ARL15: variants seen among roughly 807,000 people sequenced by gnomAD.
ARL15 encodes ARF like GTPase 15.
In ARL15, 19 loss-of-function variants were observed where a neutral mutation model predicts 25.2. The observed-to-expected ratio is 0.75, with a 90% CI of 0.53 to 1.10. The LOEUF (loss-of-function observed/expected upper bound fraction) is 1.10, where lower values mean the gene tolerates loss of function less well. Ranked by LOEUF, ARL15 falls within the 50% of genes least tolerant of loss-of-function variation. ARL15 has a pLI of 0.00. For missense variants in ARL15, 220 were observed against 246.0 expected, an observed-to-expected ratio of 0.89 and a Z score of 0.71; for synonymous variants, 94 against 86.8, an observed-to-expected ratio of 1.08 and a Z score of -0.46.
chr5:54,199,193 C>G (rs1172030137), intron 1 of ARL15, among the ~76,000 whole-genome samples: 1 of 152,066 alleles, frequency 6.6e-6, no homozygotes, highest in Non-Finnish European at 1.5e-5. Context: ...CCATAAAAAC[C>G]CTAGAAGAAA....
At chr5:53,892,188 A>G (rs72763115) in intron 4 of ARL15, among the ~76,000 whole-genome samples, 13,527 of 152,328 alleles carry the variant, frequency 0.089, 723 homozygotes, top group Non-Finnish European at 0.13. Context: ...CAATTTGAAT[A>G]AAAAGTATCT....
At chr5:53,910,557 G>A (rs1221207543) in intron 4 of ARL15, among the ~76,000 whole-genome samples, 4 of 147,192 alleles carry the variant, frequency 2.7e-5, no homozygotes, top group Non-Finnish European at 4.5e-5. Flanking sequence ...ACACCAAAAT[G>A]GCACATGTGT....
intron 4 of ARL15, among the ~76,000 whole-genome samples, chr5:54,097,977 G>A (rs1435132882): frequency 6.6e-6 from 1 of 152,168 alleles, no homozygotes; most frequent in Non-Finnish European, 1.5e-5. Flanking sequence ...CATCTCATTA[G>A]GGGTCGAACA....
At chr5:54,064,212 A>G (rs1453708298) in intron 4 of ARL15, among the ~76,000 whole-genome samples, 1 of 152,064 alleles carries the variant, frequency 6.6e-6, no homozygotes, top group Non-Finnish European at 1.5e-5. Flanking sequence ...CAAGTAAAAA[A>G]AGAGTCACGA....
intron 1 of ARL15, among the ~76,000 whole-genome samples, chr5:54,239,561 A>G (rs1319698363): frequency 6.6e-6 from 1 of 152,166 alleles, no homozygotes. Context: ...AGAACTGAGT[A>G]CATAGGCTTA....
intron 2 of ARL15, 121 bp downstream of exon 2, chr5:54,171,657 TTTAAAA>T (rs1234931429): frequency 1.7e-6 from 2 of 1,173,892 alleles, no homozygotes; most frequent in African/African-American, 3.1e-5. Context: ...AGAGATAGTG[TTTAAAA>T]TTAAAATAAA....
rs1480428173 is a variant in ARL15, at chr5:53,884,512, A to G, written c.*2049T>C. 1 of 152,112 alleles carries G rather than the reference A, an allele frequency of 6.6e-6. No individual in the cohort carries two copies. The highest frequency in any genetic ancestry group is 1.5e-5 in the Non-Finnish European group (1 of 68,036). 9.4% of individuals were successfully genotyped at this position (152,112 alleles called of 1,614,324 possible). A position where few individuals can be genotyped will look rare whatever the true frequency, so the allele number is the denominator to read the frequency against. On this transcript the variant is annotated 3_prime_UTR_variant, in exon 5 of 5. Transcript: ENST00000504924. ...GCGAGCTCCGACCTGCTAGACAAAG[A>G]GGGAGCCTTATTGACAGTTGTAAAG...
chr5:54,208,012 T>C (rs1755919770), intron 1 of ARL15, among the ~76,000 whole-genome samples: 1 of 152,164 alleles, frequency 6.6e-6, no homozygotes, highest in Non-Finnish European at 1.5e-5. Flanking sequence ...ATAGTGAATA[T>C]TGAGAGCCCA....
At chr5:53,935,347 T>C (rs1746320289) in intron 4 of ARL15, among the ~76,000 whole-genome samples, 1 of 152,226 alleles carries the variant, frequency 6.6e-6, no homozygotes, top group South Asian at 2.1e-4. Flanking sequence ...GAAGTAGTGA[T>C]AAGTTGTTGA....
chr5:54,230,650 T>C (rs986321327), intron 1 of ARL15, among the ~76,000 whole-genome samples: 1 of 152,130 alleles, frequency 6.6e-6, no homozygotes. Context: ...GACCCTCTCC[T>C]CCTCTGTGAG....
chr5:54,237,167 A>T (rs763406525), intron 1 of ARL15, among the ~76,000 whole-genome samples: 2 of 152,204 alleles, frequency 1.3e-5, no homozygotes, highest in Non-Finnish European at 2.9e-5. Flanking sequence ...GTGATAGTGA[A>T]TAAGTGTCAA....
intron 4 of ARL15, among the ~76,000 whole-genome samples, chr5:53,973,443 G>A (rs550103183): frequency 1.1e-4 from 17 of 152,038 alleles, no homozygotes; most frequent in East Asian, 1.9e-4. Context: ...GCATGGTGGC[G>A]GGCGCCTGTA....
chr5:54,103,234 T>C (rs932880784), intron 4 of ARL15, among the ~76,000 whole-genome samples: 5 of 152,148 alleles, frequency 3.3e-5, no homozygotes, highest in Admixed American at 3.3e-4. Flanking sequence ...AGAAAGTAAT[T>C]ACCACTTCAC....
chr5:54,095,860 A>T (rs1021510166), intron 4 of ARL15, among the ~76,000 whole-genome samples: 3 of 152,116 alleles, frequency 2.0e-5, no homozygotes, highest in African/African-American at 7.2e-5. Flanking sequence ...TCAAGACTTC[A>T]AAGTTAAAAA....
intron 4 of ARL15, among the ~76,000 whole-genome samples, chr5:53,975,586 G>C (rs1332916485): frequency 6.6e-6 from 1 of 152,348 alleles, no homozygotes; most frequent in South Asian, 2.1e-4. Flanking sequence ...GGCAATACTT[G>C]CTGGCTTTAT....
intron 3 of ARL15, among the ~76,000 whole-genome samples, chr5:54,119,094 C>T (rs1382429437): frequency 6.6e-6 from 1 of 152,162 alleles, no homozygotes; most frequent in East Asian, 1.9e-4. Flanking sequence ...CCTTCATCAC[C>T]TTCCAGCTGG....
chr5:54,027,342 G>A (rs541534382), intron 4 of ARL15, among the ~76,000 whole-genome samples: 1 of 152,336 alleles, frequency 6.6e-6, no homozygotes, highest in Non-Finnish European at 1.5e-5. Context: ...TAACCAGTCG[G>A]AAGGCAATTG....
chr5:54,303,435 C>T (rs569625085), intron 1 of ARL15, among the ~76,000 whole-genome samples: 118 of 152,112 alleles, frequency 7.8e-4, no homozygotes, highest in African/African-American at 2.7e-3. Context: ...TGCTTGAACC[C>T]GGGAGGCAGA....
In ARL15 at chr5:54,098,744, A is replaced by G. The variant is rs147087357; in HGVS notation, c.462+14458T>C. Among the ~76,000 whole-genome samples, 640 of 152,308 alleles carry G rather than the reference A, an allele frequency of 4.2e-3. 4 individuals carry two copies. Among genetic ancestry groups the G allele is most frequent in the African/African-American group, 0.014 (598 of 41,564 alleles). ...TTTAACTAAGTAATTTGTTTTAATC[A>G]GGTCCTGTTGGTTGTTAAACTTCAG... is the stretch of plus-strand genomic sequence containing the variant. On this transcript the variant is annotated intron_variant, in intron 4 of 4. Transcript: ENST00000504924.
Sources: allele counts gnomAD v4.1 joint callset (sites outside exome capture counted in the v4.1 genomes callset), GRCh38; gene constraint gnomAD v4.1.1; transcripts MANE v1.5; gene names NCBI Gene and HGNC (gene_info 2026-07-23, HGNC 2026-07-21).